Variants in GSTA1 observed in about 807,000 individuals in gnomAD.
The protein encoded by GSTA1 is glutathione S-transferase alpha 1, also known as glutathione S-transferase A1.
Under a neutral mutation model 21.5 loss-of-function variants are expected in GSTA1, and 23 were observed. The ratio of observed to expected loss-of-function variants is 1.07; its 90% CI spans 0.77 to 1.52. The LOEUF is 1.52. Ranked by LOEUF, GSTA1 falls within the 40% of genes most tolerant of loss-of-function variation. The pLI is 0.00. For synonymous variants in GSTA1, 125 were observed against 90.0 expected (o/e 1.39, Z -2.20); for missense variants, 301 against 264.2 (o/e 1.14, Z -0.96).
chr6:52,793,973 AT>A, intron 5 of GSTA1, 151 bp downstream of exon 5: 1 of 948,892 alleles, frequency 1.1e-6, no homozygotes. Flanking sequence ...CTCCAAGTCT[AT>A]TTTCATAAAA....
intron 1 of GSTA1, among the ~76,000 whole-genome samples, chr6:52,802,444 G>A (rs1417871288): frequency 6.6e-6 from 1 of 152,118 alleles, no homozygotes; most frequent in Admixed American, 6.5e-5. Flanking sequence ...ACTTTTGAGG[G>A]TTGTTGAGAA....
intron 4 of GSTA1, 22 bp from the exon 5 acceptor site, chr6:52,794,288 A>G (rs1262848049): frequency 6.2e-7 from 1 of 1,601,738 alleles, no homozygotes; most frequent in South Asian, 1.1e-5. Flanking sequence ...AAACAACCAA[A>G]TGGTCAAATA....
intron 1 of GSTA1, among the ~76,000 whole-genome samples, chr6:52,802,111 A>G (rs1431252276): frequency 1.3e-5 from 2 of 152,154 alleles, no homozygotes; most frequent in Non-Finnish European, 2.9e-5. Flanking sequence ...AAAAATTGAT[A>G]AAACTGTGAC....
At chr6:52,795,919 C>T (rs1366295042) in intron 4 of GSTA1, among the ~76,000 whole-genome samples, 1 of 152,172 alleles carries the variant, frequency 6.6e-6, no homozygotes, top group Non-Finnish European at 1.5e-5. Context: ...CTCCTCAGTT[C>T]ATGGTTCATC....
chr6:52,800,030 C>CT (rs1257091392), intron 1 of GSTA1, among the ~76,000 whole-genome samples: 399 of 152,198 alleles, frequency 2.6e-3, no homozygotes, highest in African/African-American at 9.0e-3. Flanking sequence ...TTGTTAATCC[C>CT]TGCAGCTTTT....
Position 52,799,774 on chromosome 6 carries a change from A to G in GSTA1, c.-30-477T>C, listed in dbSNP as rs531230490. 2.6e-5 allele frequency among the ~76,000 whole-genome samples: 4 copies of G among 152,318 alleles called. No homozygotes were observed. The East Asian group carries it at 7.7e-4, about 29-fold the overall frequency. Reference sequence around the variant, plus strand: ...GTTCACAGTCACACTCCGGTTGGTGATGGACATGAATATCTACACCAAGGA... The same window carrying G: ...GTTCACAGTCACACTCCGGTTGGTGGTGGACATGAATATCTACACCAAGGA... On this transcript the variant is annotated intron_variant, in intron 1 of 6. Coordinates refer to ENST00000334575, the MANE Select transcript of GSTA1 (RefSeq NM_145740.5).
intron 6 of GSTA1, 138 bp from the exon 7 acceptor site, chr6:52,792,118 C>A: frequency 4.9e-6 from 6 of 1,232,268 alleles, no homozygotes; most frequent in Non-Finnish European, 5.7e-6. Context: ...CAGAAACAGA[C>A]ACCCAGTGAG....
chr6:52,799,883 G>A (rs1431212370), intron 1 of GSTA1, among the ~76,000 whole-genome samples: 1 of 152,190 alleles, frequency 6.6e-6, no homozygotes, highest in Non-Finnish European at 1.5e-5. Context: ...GGATGTCACT[G>A]ACAGGGAGGA....
At chr6:52,796,489 ATGTG>A (rs1303717345) in intron 3 of GSTA1, among the ~76,000 whole-genome samples, 175 bp from the exon 4 acceptor site, 3 of 13,082 alleles carry the variant, frequency 2.3e-4, no homozygotes, top group African/African-American at 1.3e-3. Context: ...ATATATATAT[ATGTG>A]TGTGTGTGTG....
chr6:52,798,048 A>G (rs1404013705), intron 2 of GSTA1, among the ~76,000 whole-genome samples: 5 of 152,180 alleles, frequency 3.3e-5, no homozygotes, highest in African/African-American at 1.2e-4. Context: ...AATGGCTATC[A>G]AACATTTTGC....
chr6:52,792,060 C>G (rs150060464), intron 6 of GSTA1, 80 bp from the exon 7 acceptor site: 2 of 1,587,518 alleles, frequency 1.3e-6, no homozygotes, highest in Admixed American at 3.6e-5. Flanking sequence ...ATCTGAGCCC[C>G]TCCTGCAAAG....
chr6:52,795,930 C>T (rs117747289), intron 4 of GSTA1, among the ~76,000 whole-genome samples: 7 of 152,196 alleles, frequency 4.6e-5, no homozygotes, highest in East Asian at 1.9e-4. Flanking sequence ...ATGGTTCATC[C>T]GTGTTTGGAA....
intron 3 of GSTA1, among the ~76,000 whole-genome samples, chr6:52,796,722 T>C (rs1399914451): frequency 6.6e-6 from 1 of 150,590 alleles, no homozygotes; most frequent in East Asian, 1.9e-4. Flanking sequence ...TTTGTATTTT[T>C]ACAAGCAATA....
rs752016773 is a variant in GSTA1, at chr6:52,792,897, C to T, written c.505G>A (p.Glu169Lys). The change falls in exon 6 of 7, where the codon GAG (glutamate) becomes AAG (lysine). Residue 169 changes from glutamate (E) to lysine (K), a missense_variant. Coordinates refer to ENST00000334575, the MANE Select transcript of GSTA1 (RefSeq NM_145740.5). ...CTGGAGATAAGACTGGAGTCAAGCT[C>T]CTCGACGTAGTAGAGAAGTTCCACC... ...HLVELLYYVE[E>K]LDSSLISSFP... 2 of 1,614,086 alleles carry T rather than the reference C, an allele frequency of 1.2e-6. No homozygotes were observed. The highest frequency in any genetic ancestry group is 8.5e-7 in the Non-Finnish European group (1 of 1,179,984).
chr6:52,794,761 C>T (rs967246102), intron 4 of GSTA1, among the ~76,000 whole-genome samples: 6 of 152,172 alleles, frequency 3.9e-5, no homozygotes, highest in African/African-American at 1.2e-4. Context: ...GCAGTTCTTT[C>T]AATTACACCC....
At chr6:52,800,049 G>C (rs1323122671) in intron 1 of GSTA1, among the ~76,000 whole-genome samples, 1 of 152,166 alleles carries the variant, frequency 6.6e-6, no homozygotes, top group Non-Finnish European at 1.5e-5. Flanking sequence ...TTGTAATTCT[G>C]TATTCTAACT....
At chr6:52,793,632 T>A (rs1763509990) in intron 5 of GSTA1, among the ~76,000 whole-genome samples, 2 of 152,162 alleles carry the variant, frequency 1.3e-5, no homozygotes, top group South Asian at 4.1e-4. Flanking sequence ...AAAATCCATT[T>A]TAAAAAATCT....
intron 1 of GSTA1, among the ~76,000 whole-genome samples, chr6:52,802,600 A>T (rs1010413512): frequency 6.6e-6 from 1 of 152,174 alleles, no homozygotes; most frequent in Non-Finnish European, 1.5e-5. Context: ...CTATCCATCA[A>T]TTATTTTACT....
At chr6:52,799,433 A>T in intron 1 of GSTA1, 136 bp from the exon 2 acceptor site, 2 of 614,422 alleles carry the variant, frequency 3.3e-6, no homozygotes, top group Non-Finnish European at 2.7e-6. Context: ...GAGTTCCTGG[A>T]ATGTTTTCTT....
Sources: gnomAD v4.1 joint callset for allele counts (sites outside exome capture counted in the v4.1 genomes callset) on GRCh38, gnomAD v4.1.1 for gene constraint, MANE v1.5 for transcripts, NCBI Gene and HGNC (gene_info 2026-07-23, HGNC 2026-07-21) for gene names.